The following NFIA variants were observed in gnomAD, a reference collection of about 807,000 sequenced individuals.
NFIA encodes nuclear factor I A, also known as nuclear factor 1 A-type.
Under a neutral mutation model 62.8 loss-of-function variants are expected in NFIA, and 8 were observed. That is an observed-to-expected ratio of 0.13 (90% CI 0.07 to 0.23). The LOEUF is 0.23. NFIA is among the 10% of genes least tolerant of loss of function. NFIA has a pLI of 1.00. For synonymous variants in NFIA, 235 were observed against 238.1 expected (o/e 0.99, Z 0.12); for missense variants, 410 against 642.1 (o/e 0.64, Z 3.91).
intron 2 of NFIA, among the ~76,000 whole-genome samples, chr1:61,155,396 G>A (rs904114970): frequency 1.3e-5 from 2 of 152,120 alleles, no homozygotes; most frequent in Non-Finnish European, 2.9e-5. Flanking sequence ...AGAGTTGGCC[G>A]GGCGCGGTGG....
chr1:61,289,855 G>A (rs920319475), intron 3 of NFIA, among the ~76,000 whole-genome samples: 3 of 152,106 alleles, frequency 2.0e-5, no homozygotes, highest in African/African-American at 7.2e-5. Context: ...CTGTTTCTGT[G>A]TGGATTATAT....
In NFIA at chr1:61,459,928, TCTC is replaced by T. The variant is rs989583696; in HGVS notation, c.*4609_*4611del. On this transcript the variant is annotated 3_prime_UTR_variant, in exon 11 of 11. Transcript: ENST00000403491. ...TGGTGGTGGAGTCTCTCTCTCTCTC[TCTC>T]TTTTTGTTTGCTTCTGTTTTCTTTC... 5 of 152,242 alleles carry T rather than the reference TCTC, an allele frequency of 3.3e-5. No homozygotes were observed. Among genetic ancestry groups the T allele is most frequent in the African/African-American group, 1.2e-4 (5 of 41,448 alleles). 9.4% of individuals were successfully genotyped at this position (152,242 alleles called of 1,614,324 possible). A position where few individuals can be genotyped will look rare whatever the true frequency, so the allele number is the denominator to read the frequency against.
Position 61,420,756 on chromosome 1 carries a change from G to A in NFIA, c.1421-5709G>A, listed in dbSNP as rs532482593. The stretch of plus-strand genomic sequence containing the variant: ...CACATGAAGGTGCATCTTGATATTT[G>A]AGATGAGAAGGGAAAGGTTTAGAGT... On this transcript the variant is annotated intron_variant, in intron 9 of 10. Transcript: ENST00000403491. 1.3e-4 allele frequency among the ~76,000 whole-genome samples: 20 copies of A among 152,272 alleles called. No homozygotes were observed. In the South Asian group the frequency reaches 1.9e-3, roughly 14 times the overall value.
chr1:61,337,533 G>A (rs1004911278), intron 4 of NFIA, among the ~76,000 whole-genome samples: 1 of 152,146 alleles, frequency 6.6e-6, no homozygotes, highest in Non-Finnish European at 1.5e-5. Flanking sequence ...CTGTGCCAGA[G>A]AGAGAGAGAG....
At chr1:61,097,775 A>C (rs1184315340) in intron 2 of NFIA, among the ~76,000 whole-genome samples, 1 of 152,122 alleles carries the variant, frequency 6.6e-6, no homozygotes, top group Non-Finnish European at 1.5e-5. Context: ...TCTTAAAGGG[A>C]TTAGTTATTT....
intron 2 of NFIA, among the ~76,000 whole-genome samples, chr1:61,145,790 G>A (rs1024976768): frequency 6.6e-6 from 1 of 152,064 alleles, no homozygotes; most frequent in Admixed American, 6.5e-5. Flanking sequence ...TTATTGGTGA[G>A]GTTTAACTCT....
chr1:61,299,030 A>G (rs1180402731), intron 3 of NFIA, among the ~76,000 whole-genome samples: 1 of 152,178 alleles, frequency 6.6e-6, no homozygotes, highest in African/African-American at 2.4e-5. Context: ...ATGTACTTTC[A>G]TGCATTTCTA....
chr1:61,220,654 A>G (rs1445090333), intron 2 of NFIA, among the ~76,000 whole-genome samples: 2 of 152,244 alleles, frequency 1.3e-5, no homozygotes, highest in Non-Finnish European at 2.9e-5. Context: ...TGTAATCATA[A>G]TAATGGCATG....
intron 3 of NFIA, among the ~76,000 whole-genome samples, chr1:61,320,238 A>G (rs1468351635): frequency 6.6e-6 from 1 of 152,082 alleles, no homozygotes; most frequent in Admixed American, 6.6e-5. Context: ...GTTACATTTC[A>G]CAAAGAATTT....
chr1:61,218,050 T>C (rs1234810060), intron 2 of NFIA, among the ~76,000 whole-genome samples: 1 of 152,218 alleles, frequency 6.6e-6, no homozygotes, highest in East Asian at 1.9e-4. Flanking sequence ...GGCAGAAAGC[T>C]CCTAAGGCAT....
chr1:61,266,735 C>G (rs1472103514), intron 2 of NFIA, among the ~76,000 whole-genome samples: 2 of 152,144 alleles, frequency 1.3e-5, no homozygotes, highest in Non-Finnish European at 2.9e-5. Flanking sequence ...TATTTAAATT[C>G]CATTTCAACA....
intron 7 of NFIA, among the ~76,000 whole-genome samples, chr1:61,395,257 T>C (rs116757003): frequency 0.02 from 2,981 of 151,824 alleles, 107 homozygotes; most frequent in African/African-American, 0.069. Flanking sequence ...AGATTTGCTT[T>C]TCTGTCTGCT....
At chr1:61,182,279 C>T (rs986486243) in intron 2 of NFIA, among the ~76,000 whole-genome samples, 2 of 152,096 alleles carry the variant, frequency 1.3e-5, no homozygotes, top group African/African-American at 4.8e-5. Context: ...CCTCTGTGAT[C>T]CCCTTGCACA....
chr1:61,220,050 G>A (rs113453253), intron 2 of NFIA, among the ~76,000 whole-genome samples: 3 of 152,160 alleles, frequency 2.0e-5, no homozygotes, highest in Admixed American at 6.5e-5. Flanking sequence ...AGGTCCCATC[G>A]GCATTTTCCG....
intron 3 of NFIA, among the ~76,000 whole-genome samples, chr1:61,308,048 T>C (rs1455689718): frequency 1.3e-5 from 2 of 152,220 alleles, no homozygotes; most frequent in African/African-American, 4.8e-5. Context: ...GAATTTACCT[T>C]TATGACAGAT....
chr1:61,147,398 G>A (rs375132206), intron 2 of NFIA, among the ~76,000 whole-genome samples: 27 of 152,250 alleles, frequency 1.8e-4, no homozygotes, highest in African/African-American at 6.5e-4. Context: ...TGATCTGCCC[G>A]CCTCGGCCTC....
intron 2 of NFIA, among the ~76,000 whole-genome samples, chr1:61,163,029 C>G (rs1359799534): frequency 1.3e-5 from 2 of 152,024 alleles, no homozygotes; most frequent in African/African-American, 4.8e-5. Context: ...ATGTGTGGAG[C>G]TTTGGAAATG....
rs1043685337 is a variant in NFIA at position 61,351,917 on chromosome 1, A to G, written c.701-533A>G. 3.3e-5 allele frequency among the ~76,000 whole-genome samples: 5 copies of G among 152,220 alleles called. No individual in the cohort carries two copies. In the South Asian group the frequency reaches 8.3e-4, roughly 25 times the overall value. ...AACTATGGGCCTGCCTTAAATTACAAGGTTGGACAAATATTCAGTTAAGGT... is the reference window on the plus strand; with the variant it reads ...AACTATGGGCCTGCCTTAAATTACAGGGTTGGACAAATATTCAGTTAAGGT... On this transcript the variant is annotated intron_variant, in intron 4 of 10. Transcript: ENST00000403491.
In NFIA at chr1:61,195,639, A is replaced by AT. The variant is rs528805897; in HGVS notation, c.560-81874dup. Among the ~76,000 whole-genome samples the AT allele has an allele frequency of 4.2e-4, 64 of 152,238 alleles. No homozygotes were observed. In the East Asian group the frequency reaches 7.9e-3, roughly 19 times the overall value. On this transcript the variant is annotated intron_variant, in intron 2 of 10. Transcript: ENST00000403491. ...AAATTTTACTTTTGCAGATTTATAA[A>AT]TTTTTTTATCCCCTTACAGTTTTAG...
Sources: allele counts gnomAD v4.1 joint callset (sites outside exome capture counted in the v4.1 genomes callset), GRCh38; gene constraint gnomAD v4.1.1; transcripts MANE v1.5; gene names NCBI Gene and HGNC (gene_info 2026-07-23, HGNC 2026-07-21).